The following CRTAC1 variants were observed in gnomAD, a reference collection of about 807,000 sequenced individuals.
CRTAC1 encodes the protein cartilage acidic protein 1.
CRTAC1 carries 37 observed loss-of-function variants against 67.8 expected under a neutral mutation model. That is an observed-to-expected ratio of 0.55 (90% CI 0.42 to 0.72). The LOEUF is 0.72. Ranked by LOEUF, CRTAC1 falls within the 30% of genes least tolerant of loss-of-function variation. The pLI is 0.00. For synonymous variants in CRTAC1, 348 were observed against 371.0 expected, an observed-to-expected ratio of 0.94 and a Z score of 0.71; for missense variants, 780 against 931.6, an observed-to-expected ratio of 0.84 and a Z score of 2.12.
chr10:97,972,026 C>T (rs986687141), intron 2 of CRTAC1, among the ~76,000 whole-genome samples: 3 of 152,112 alleles, frequency 2.0e-5, no homozygotes, highest in East Asian at 1.9e-4. Context: ...GTCCCTCGCC[C>T]GGGAAACTTG....
intron 11 of CRTAC1, among the ~76,000 whole-genome samples, chr10:97,891,017 A>G (rs568968998): frequency 1.3e-5 from 2 of 152,114 alleles, no homozygotes; most frequent in African/African-American, 4.8e-5. Context: ...TTATATATTT[A>G]CCTATTTACT....
At chr10:97,891,146 C>T (rs2050366695) in intron 11 of CRTAC1, among the ~76,000 whole-genome samples, 1 of 152,184 alleles carries the variant, frequency 6.6e-6, no homozygotes, top group Non-Finnish European at 1.5e-5. Context: ...CTAAATGAAT[C>T]AAATGATATT....
At chr10:97,919,141 A>T (rs2050801777) in intron 4 of CRTAC1, among the ~76,000 whole-genome samples, 1 of 152,090 alleles carries the variant, frequency 6.6e-6, no homozygotes, top group Non-Finnish European at 1.5e-5. Context: ...TAAGAGCCAC[A>T]TGAGTCTGTC....
chr10:97,976,296 G>A (rs2051801819), intron 2 of CRTAC1, among the ~76,000 whole-genome samples: 1 of 152,200 alleles, frequency 6.6e-6, no homozygotes, highest in African/African-American at 2.4e-5. Context: ...GCATGTAGAA[G>A]CAAAAGTGTT....
chr10:97,968,086 C>T (rs543064121), intron 2 of CRTAC1, among the ~76,000 whole-genome samples: 4 of 152,180 alleles, frequency 2.6e-5, no homozygotes, highest in South Asian at 2.1e-4. Context: ...AAATGAAGCT[C>T]AAAAAGGTTT....
chr10:97,966,178 A>C lies in CRTAC1; in HGVS notation c.225-29812T>G, dbSNP rs149812012. Among the ~76,000 whole-genome samples the C allele has an allele frequency of 9.3e-3, 1,410 of 152,326 alleles. 21 individuals carry two copies. The highest frequency in any genetic ancestry group is 0.031 in the African/African-American group (1,295 of 41,548). Reference sequence around the variant, plus strand: ...ACTGCAACCTCCACCTCCTGGGTTCAAGCAATTCTCATGCCTCAGCCTCCT... The same window carrying C: ...ACTGCAACCTCCACCTCCTGGGTTCCAGCAATTCTCATGCCTCAGCCTCCT... On this transcript the variant is annotated intron_variant, in intron 2 of 14. Transcript: ENST00000370597.
At chr10:97,987,313 T>C (rs1189271096) in intron 2 of CRTAC1, among the ~76,000 whole-genome samples, 4 of 152,218 alleles carry the variant, frequency 2.6e-5, no homozygotes, top group African/African-American at 7.2e-5. Context: ...TATTCCTTTG[T>C]TCTTTTCCCG....
intron 2 of CRTAC1, among the ~76,000 whole-genome samples, chr10:97,951,593 C>A (rs2051356496): frequency 1.3e-5 from 2 of 152,114 alleles, no homozygotes; most frequent in South Asian, 4.1e-4. Flanking sequence ...TGAGAAAGTA[C>A]CAAATTGTAC....
At chr10:97,931,370 T>C (rs1366149224) in intron 3 of CRTAC1, among the ~76,000 whole-genome samples, 1 of 152,196 alleles carries the variant, frequency 6.6e-6, no homozygotes, top group African/African-American at 2.4e-5. Context: ...TTGTGGGAAA[T>C]AGCATGTTGT....
chr10:97,879,183 A>G (rs997035520), intron 14 of CRTAC1, among the ~76,000 whole-genome samples: 1 of 152,206 alleles, frequency 6.6e-6, no homozygotes, highest in African/African-American at 2.4e-5. Flanking sequence ...ATTTTTATCA[A>G]GAGTCCCAAA....
chr10:97,886,519 G>A (rs114403467), intron 11 of CRTAC1, among the ~76,000 whole-genome samples: 60 of 152,288 alleles, frequency 3.9e-4, no homozygotes, highest in African/African-American at 1.3e-3. Flanking sequence ...CAACCTTACC[G>A]TTCTGGGTTT....
At chr10:97,873,341 G>A (rs2050113223) in intron 14 of CRTAC1, among the ~76,000 whole-genome samples, 1 of 152,222 alleles carries the variant, frequency 6.6e-6, no homozygotes. Flanking sequence ...TCTGCAGTGG[G>A]AGGAGGCACT....
At chr10:97,969,154 A>G (rs186399602) in intron 2 of CRTAC1, among the ~76,000 whole-genome samples, 138 of 152,304 alleles carry the variant, frequency 9.1e-4, no homozygotes, top group Admixed American at 1.7e-3. Context: ...ACATGTTGAT[A>G]GGCACCTTTT....
At chr10:97,951,331 A>G (rs2051352225) in intron 2 of CRTAC1, among the ~76,000 whole-genome samples, 1 of 152,226 alleles carries the variant, frequency 6.6e-6, no homozygotes. Context: ...AAAGCCTTCT[A>G]GTTGCTATGG....
intron 11 of CRTAC1, among the ~76,000 whole-genome samples, chr10:97,892,068 C>T (rs1028842486): frequency 6.6e-6 from 1 of 152,200 alleles, no homozygotes. Context: ...TTGCACCAGG[C>T]GGAGCTCCCA....
chr10:97,865,302 A>G lies in CRTAC1; in HGVS notation c.*246T>C. The G allele has an allele frequency of 2.3e-6, 1 of 435,064 alleles. No homozygotes were observed. Among genetic ancestry groups the G allele is most frequent in the Non-Finnish European group, 4.1e-6 (1 of 246,806 alleles). 27.0% of individuals were successfully genotyped at this position (435,064 alleles called of 1,614,324 possible). On this transcript the variant is annotated 3_prime_UTR_variant, in exon 15 of 15. Transcript: ENST00000370597. ...CACATCTGTGTCCTAAGATATGGTC[A>G]TTAGACCCACTGGAATGTAAGCGCC...
At chr10:98,021,216 A>C (rs12253996) in intron 1 of CRTAC1, among the ~76,000 whole-genome samples, 5,429 of 152,160 alleles carry the variant, frequency 0.036, 354 homozygotes, top group African/African-American at 0.12. Context: ...GACAAACTCC[A>C]GACCTCTACA....
chr10:97,980,096 G>T (rs1336883861), intron 2 of CRTAC1, among the ~76,000 whole-genome samples: 1 of 152,188 alleles, frequency 6.6e-6, no homozygotes, highest in Non-Finnish European at 1.5e-5. Flanking sequence ...CCCCAGGAAA[G>T]TTTCTTAAAT....
intron 2 of CRTAC1, among the ~76,000 whole-genome samples, chr10:97,943,957 C>T (rs1267283190): frequency 6.6e-6 from 1 of 152,080 alleles, no homozygotes; most frequent in Admixed American, 6.5e-5. Flanking sequence ...ATTATCATAA[C>T]AACAAAAAAT....
Sources: allele counts gnomAD v4.1 joint callset (sites outside exome capture counted in the v4.1 genomes callset), GRCh38; gene constraint gnomAD v4.1.1; transcripts MANE v1.5; gene names NCBI Gene and HGNC (gene_info 2026-07-23, HGNC 2026-07-21).